The following EHMT1 variants were observed in gnomAD, a reference collection of about 807,000 sequenced individuals.
The protein encoded by EHMT1 is euchromatic histone lysine methyltransferase 1.
In EHMT1, 15 loss-of-function variants were observed where a neutral mutation model predicts 147.2. The ratio of observed to expected loss-of-function variants is 0.10; its 90% CI spans 0.07 to 0.16. EHMT1 has a LOEUF of 0.16. EHMT1 is among the 10% of genes least tolerant of loss of function. EHMT1 has a pLI of 1.00. For missense variants in EHMT1, 1,587 were observed against 1,772.4 expected (o/e 0.90, Z 1.88); for synonymous variants, 795 against 709.6 (o/e 1.12, Z -1.91).
At chr9:137,633,795 A>T (rs1589052001) in intron 1 of EHMT1, among the ~76,000 whole-genome samples, 1 of 144,902 alleles carries the variant, frequency 6.9e-6, no homozygotes, top group Non-Finnish European at 1.5e-5. Flanking sequence ...ATTTTTTCTC[A>T]TTCTGTGGGC....
rs533514958 is a variant in EHMT1, at chr9:137,735,097, G to A, written c.823+6568G>A. On this transcript the variant is annotated intron_variant, in intron 4 of 26. Transcript: ENST00000460843. ...TCTGTAAGATCTAAGAGACAAATCC[G>A]TTTAAAAAATTAGTCTGCAAGCTAG... Among the ~76,000 whole-genome samples, 30 of 152,290 alleles carry A rather than the reference G, an allele frequency of 2.0e-4. No individual in the cohort carries two copies. In the South Asian group the frequency reaches 3.5e-3, roughly 18 times the overall value.
At chr9:137,783,883 T>G (rs1322226390) in intron 15 of EHMT1, among the ~76,000 whole-genome samples, 1 of 152,244 alleles carries the variant, frequency 6.6e-6, no homozygotes, top group Non-Finnish European at 1.5e-5. Context: ...TATTCTGACC[T>G]TTTCCCTCGT....
rs575941771 is a variant in EHMT1 at position 137,700,492 on chromosome 9, ATGT to A, written c.22-10470_22-10468del. ...TAAAGTGGGCATTCGGAAGAAGACA[ATGT>A]TGTTTTCTAGAAGGATGGTGGAGTC... On this transcript the variant is annotated intron_variant, in intron 1 of 26. Transcript: ENST00000460843. 4.6e-5 allele frequency among the ~76,000 whole-genome samples: 7 copies of A among 152,316 alleles called. No homozygotes were observed. The South Asian group carries it at 1.4e-3, about 32-fold the overall frequency.
At chr9:137,818,181 C>T in intron 25 of EHMT1, 43 bp downstream of exon 25, 2 of 1,596,202 alleles carry the variant, frequency 1.3e-6, no homozygotes, top group South Asian at 2.2e-5. Flanking sequence ...AACTTGTGAA[C>T]TGTAAAACCT....
chr9:137,753,606 G>C (rs939956161), intron 7 of EHMT1, among the ~76,000 whole-genome samples: 4 of 152,240 alleles, frequency 2.6e-5, no homozygotes, highest in African/African-American at 7.2e-5. Context: ...ACTGTGGCCT[G>C]CACGTGGCCT....
intron 18 of EHMT1, among the ~76,000 whole-genome samples, chr9:137,808,762 A>G (rs1954165985): frequency 6.6e-6 from 1 of 152,082 alleles, no homozygotes; most frequent in Non-Finnish European, 1.5e-5. Flanking sequence ...CTCTACTAAA[A>G]ATACAAAATG....
chr9:137,803,986 C>T (rs1308459784), intron 18 of EHMT1, among the ~76,000 whole-genome samples: 1 of 152,134 alleles, frequency 6.6e-6, no homozygotes, highest in Non-Finnish European at 1.5e-5. Context: ...TTGACTCACC[C>T]TTCAGCGTGG....
chr9:137,826,163 C>CG (rs1378881099), intron 25 of EHMT1, among the ~76,000 whole-genome samples: 2 of 151,338 alleles, frequency 1.3e-5, no homozygotes, highest in Non-Finnish European at 3.0e-5. Flanking sequence ...GTGGGTGGGG[C>CG]GGTGTGTTCC....
chr9:137,663,956 T>C (rs1299817683), intron 1 of EHMT1, among the ~76,000 whole-genome samples: 2 of 152,262 alleles, frequency 1.3e-5, no homozygotes, highest in Non-Finnish European at 2.9e-5. Context: ...CTAAGTACTA[T>C]ATAGTATATG....
chr9:137,743,933 A>C lies in EHMT1; in HGVS notation c.1013A>C (p.His338Pro), dbSNP rs765340576. The change falls in exon 6 of 27, where the codon CAC becomes CCC. Residue 338 changes from histidine to proline, a missense_variant. This residue lies in a region of EHMT1 where 810 missense variants were observed against 673.0 expected (regional missense o/e 1.20). Transcript: ENST00000460843. ...AAGGACCTGGGCGCCAGCAGCCTGCACGTGAATGGGGAGAGCCTGGAGATG... is the reference window on the plus strand; with the variant it reads ...AAGGACCTGGGCGCCAGCAGCCTGCCCGTGAATGGGGAGAGCCTGGAGATG... The part of the protein sequence containing the change: ...GEKDLGASSL[H>P]VNGESLEMDS... The C allele has an allele frequency of 3.7e-6, 6 of 1,613,562 alleles. No homozygotes were observed. The highest frequency in any genetic ancestry group is 2.5e-6 in the Non-Finnish European group (3 of 1,179,866).
intron 16 of EHMT1, among the ~76,000 whole-genome samples, chr9:137,792,739 C>T (rs765755394): frequency 2.6e-5 from 4 of 152,000 alleles, no homozygotes; most frequent in African/African-American, 7.3e-5. Flanking sequence ...ATGAAAGGCC[C>T]GTACTTAAGA....
rs558385015 is a variant in EHMT1, at chr9:137,669,706, C to A, written c.22-41261C>A. Among the ~76,000 whole-genome samples, 3 of 151,782 alleles carry A rather than the reference C, an allele frequency of 2.0e-5. No individual in the cohort carries two copies. In the South Asian group the frequency reaches 6.3e-4, roughly 32 times the overall value. On this transcript the variant is annotated intron_variant, in intron 1 of 26. Coordinates refer to ENST00000460843, the MANE Select transcript of EHMT1 (RefSeq NM_024757.5). Reference sequence around the variant, plus strand: ...ACTTGTGTCCCTATGTAAAAAAAAGCTTTGCTTTTGTTTTTTCTCTTTTTT... The same window carrying A: ...ACTTGTGTCCCTATGTAAAAAAAAGATTTGCTTTTGTTTTTTCTCTTTTTT...
At chr9:137,647,525 G>A (rs932815522) in intron 1 of EHMT1, among the ~76,000 whole-genome samples, 15 of 151,856 alleles carry the variant, frequency 9.9e-5, no homozygotes, top group Admixed American at 3.3e-4. Context: ...CTGCTCAGGG[G>A]CAGCAGTCTT....
At chr9:137,665,592 A>G (rs1472804094) in intron 1 of EHMT1, among the ~76,000 whole-genome samples, 1 of 152,060 alleles carries the variant, frequency 6.6e-6, no homozygotes, top group African/African-American at 2.4e-5. Flanking sequence ...TCCTTGTGAG[A>G]GGGCTGGTCC....
intron 1 of EHMT1, among the ~76,000 whole-genome samples, chr9:137,640,504 T>C (rs1274054863): frequency 6.6e-6 from 1 of 152,220 alleles, no homozygotes; most frequent in Non-Finnish European, 1.5e-5. Flanking sequence ...TTTGAACTCC[T>C]GGCCTCAAGT....
intron 4 of EHMT1, chr9:137,738,855 C>T (rs1206229967): frequency 1.3e-5 from 2 of 152,150 alleles, no homozygotes; most frequent in Non-Finnish European, 2.9e-5. Context: ...AACTGATGGA[C>T]ACAGAAAGAG....
Position 137,834,507 on chromosome 9 carries a change from G to T in EHMT1, c.3699G>T (p.Glu1233Asp), listed in dbSNP as rs762631537. 1.2e-6 allele frequency: 2 copies of T among 1,611,386 alleles called. No homozygotes were observed. Among genetic ancestry groups the T allele is most frequent in the Non-Finnish European group, 1.7e-6 (2 of 1,179,746 alleles). Residue 1233 changes from glutamate (E) to aspartate (D), a missense_variant, in exon 26 of 27, where the codon GAG becomes GAT. Around this residue, in one of 7 missense-constraint regions of EHMT1, gnomAD observed 141 missense variants for 150.8 expected, o/e 0.94. Transcript: ENST00000460843. ...CCTTCTTCAGCACCCGCCTGATCGA[G>T]GCCGGCGAGCAGCTCGGGTACGCAC... Reference protein sequence around the residue: ...RIAFFSTRLIEAGEQLGFDYG... With the variant: ...RIAFFSTRLIDAGEQLGFDYG...
chr9:137,782,405 G>T lies in EHMT1; in HGVS notation c.2382+8G>T. 6.2e-7 allele frequency: 1 copy of T among 1,603,060 alleles called. No individual in the cohort carries two copies. Among genetic ancestry groups the T allele is most frequent in the South Asian group, 1.1e-5 (1 of 90,336 alleles). On this transcript the variant is annotated splice_region_variant and intron_variant, in intron 15 of 26. Transcript: ENST00000460843. The surrounding 1 kb of genome is among the most constrained non-coding windows in gnomAD (Gnocchi z 5.7). ...TGCCACATGCTGGTTCAGGTGCGGC[G>T]GCACGGCGCCCTCCTAGGGCTCTTC...
Position 137,627,083 on chromosome 9 carries a change from C to T in EHMT1, c.21+8034C>T, listed in dbSNP as rs573011296. Among the ~76,000 whole-genome samples the T allele has an allele frequency of 1.2e-4, 18 of 152,148 alleles. 1 individual carries two copies. The South Asian group carries it at 3.7e-3, about 32-fold the overall frequency. On this transcript the variant is annotated intron_variant, in intron 1 of 26. Coordinates refer to ENST00000460843, the MANE Select transcript of EHMT1 (RefSeq NM_024757.5). ...AGCGCTTCTCCTGCCTTCGCACCCC[C>T]TAGTAGCTGGGATTATAGGCGTGCG... is the stretch of plus-strand genomic sequence containing the variant.
Sources: gnomAD v4.1 joint callset for allele counts (sites outside exome capture counted in the v4.1 genomes callset) on GRCh38, gnomAD v4.1.1 for gene constraint, gnomAD v4.1.1 regional missense constraint, Gnocchi (gnomAD v3.1) non-coding constraint, MANE v1.5 for transcripts, NCBI Gene and HGNC (gene_info 2026-07-23, HGNC 2026-07-21) for gene names.